The following KCNQ5 variants were observed in gnomAD, a reference collection of about 807,000 sequenced individuals.
KCNQ5 encodes the protein potassium voltage-gated channel subfamily KQT member 5.
A neutral mutation model predicts 98.2 loss-of-function variants in KCNQ5; 30 were observed. The observed-to-expected ratio is 0.31, with a 90% CI of 0.23 to 0.41. The LOEUF is 0.41. Ranked by LOEUF, KCNQ5 falls within the 10% of genes least tolerant of loss-of-function variation. The pLI is 1.00. For missense variants in KCNQ5, 835 were observed against 1,182.5 expected, an observed-to-expected ratio of 0.71 and a Z score of 4.31; for synonymous variants, 458 against 449.4, an observed-to-expected ratio of 1.02 and a Z score of -0.24.
Position 72,699,458 on chromosome 6 carries a change from G to A in KCNQ5, c.398+76871G>A, listed in dbSNP as rs142888417. ...GTATCAGCTGAGTAAGACCTCTCTTGGCTCCTCTCTTGACCTCCAGAATGA... is the reference window on the plus strand; with the variant it reads ...GTATCAGCTGAGTAAGACCTCTCTTAGCTCCTCTCTTGACCTCCAGAATGA... On this transcript the variant is annotated intron_variant, in intron 1 of 13. Transcript: ENST00000370398. 8.5e-4 allele frequency among the ~76,000 whole-genome samples: 130 copies of A among 152,180 alleles called. 1 individual carries two copies. The highest frequency in any genetic ancestry group is 3.0e-3 in the African/African-American group (124 of 41,528).
chr6:73,051,785 C>T (rs1416871427), intron 3 of KCNQ5, among the ~76,000 whole-genome samples: 1 of 149,082 alleles, frequency 6.7e-6, no homozygotes, highest in African/African-American at 2.5e-5. Context: ...AAAATCAGCC[C>T]ACACAGATGA....
intron 10 of KCNQ5, among the ~76,000 whole-genome samples, chr6:73,146,959 T>G (rs1014588682): frequency 1.3e-5 from 2 of 152,220 alleles, no homozygotes; most frequent in Non-Finnish European, 2.9e-5. Context: ...TTTATGTCTT[T>G]GTTTTCTATT....
intron 2 of KCNQ5, among the ~76,000 whole-genome samples, chr6:73,008,296 C>T (rs1769906484): frequency 6.6e-6 from 1 of 152,050 alleles, no homozygotes; most frequent in Non-Finnish European, 1.5e-5. Context: ...ATAAAAGTTT[C>T]TAGTAAAAGA....
rs139651657 is a variant in KCNQ5 at position 73,095,730 on chromosome 6, G to A, written c.919-9527G>A. On this transcript the variant is annotated intron_variant, in intron 5 of 13. Coordinates refer to ENST00000370398, the MANE Select transcript of KCNQ5 (RefSeq NM_019842.4). Reference sequence around the variant, plus strand: ...CCACCCAACAAGTCTTCCAGACTCCGGGCTGGCACTGGGGATTGTCTACAG... The same window carrying A: ...CCACCCAACAAGTCTTCCAGACTCCAGGCTGGCACTGGGGATTGTCTACAG... 6.0e-4 allele frequency among the ~76,000 whole-genome samples: 91 copies of A among 152,200 alleles called. 1 individual carries two copies. The highest frequency in any genetic ancestry group is 2.5e-3 in the South Asian group (12 of 4,814).
At chr6:73,058,622 G>A (rs1360280471) in intron 3 of KCNQ5, among the ~76,000 whole-genome samples, 2 of 152,164 alleles carry the variant, frequency 1.3e-5, no homozygotes, top group Admixed American at 6.5e-5. Context: ...AGAGTGAACA[G>A]ACAACCTACA....
chr6:72,911,383 T>A (rs765053193), intron 1 of KCNQ5, among the ~76,000 whole-genome samples: 1 of 152,132 alleles, frequency 6.6e-6, no homozygotes, highest in Non-Finnish European at 1.5e-5. Flanking sequence ...CAATAAGAAG[T>A]TGGTAGTCTG....
chr6:72,823,083 G>A (rs1196783169), intron 1 of KCNQ5, among the ~76,000 whole-genome samples: 1 of 152,042 alleles, frequency 6.6e-6, no homozygotes, highest in Admixed American at 6.6e-5. Context: ...GCCATATAAG[G>A]CAACATATTT....
chr6:72,643,923 AATC>A (rs1765457629), intron 1 of KCNQ5, among the ~76,000 whole-genome samples: 1 of 152,208 alleles, frequency 6.6e-6, no homozygotes, highest in South Asian at 2.1e-4. Context: ...CATCTAGTTA[AATC>A]AATGATGGCA....
intron 1 of KCNQ5, among the ~76,000 whole-genome samples, chr6:72,849,146 A>G (rs1777141204): frequency 6.6e-6 from 1 of 151,268 alleles, no homozygotes; most frequent in Admixed American, 6.6e-5. Flanking sequence ...ACACACACAT[A>G]TGCACACGCA....
intron 1 of KCNQ5, among the ~76,000 whole-genome samples, chr6:72,679,617 A>C (rs934127473): frequency 6.6e-6 from 1 of 151,812 alleles, no homozygotes; most frequent in African/African-American, 2.4e-5. Flanking sequence ...AGATATACCT[A>C]ATGCTAAATG....
rs142567767 is a variant in KCNQ5 at position 72,858,236 on chromosome 6, C to CA, written c.399-145671dup. On this transcript the variant is annotated intron_variant, in intron 1 of 13. Transcript: ENST00000370398. ...TTTATAAATATAGAGAAAAATTTCACAGATGCTGAGCTATGCTTTAAAATT... is the reference window on the plus strand; with the variant it reads ...TTTATAAATATAGAGAAAAATTTCACAAGATGCTGAGCTATGCTTTAAAATT... Among the ~76,000 whole-genome samples the CA allele has an allele frequency of 1.4e-3, 209 of 152,144 alleles. 1 individual carries two copies. Among genetic ancestry groups the CA allele is most frequent in the African/African-American group, 5.0e-3 (207 of 41,514 alleles).
rs762221264 is a variant in KCNQ5, at chr6:73,194,673, A to G, written c.2058A>G (p.Arg686=). 6.2e-7 allele frequency: 1 copy of G among 1,614,240 alleles called. No individual in the cohort carries two copies. Among genetic ancestry groups the G allele is most frequent in the Non-Finnish European group, 8.5e-7 (1 of 1,180,042 alleles). The part of the protein sequence containing the change: ...LSRSTSANIS[R]GLQFILTPNE... Reference sequence around the variant, plus strand: ...GATCAACTAGTGCCAACATCTCGAGAGGCCTGCAGTTCATTCTGACGCCAA... The same window carrying G: ...GATCAACTAGTGCCAACATCTCGAGGGGCCTGCAGTTCATTCTGACGCCAA... Residue 686 remains arginine (R), a synonymous_variant, in exon 14 of 14, where the codon AGA becomes AGG. Coordinates refer to ENST00000370398, the MANE Select transcript of KCNQ5 (RefSeq NM_019842.4).
chr6:73,002,993 A>G (rs1769653629), intron 1 of KCNQ5, among the ~76,000 whole-genome samples: 1 of 152,174 alleles, frequency 6.6e-6, no homozygotes, highest in South Asian at 2.1e-4. Flanking sequence ...GTATTTTAAG[A>G]CAGCTTACTA....
intron 1 of KCNQ5, among the ~76,000 whole-genome samples, chr6:72,753,545 A>G (rs1370019807): frequency 6.6e-6 from 1 of 152,132 alleles, no homozygotes; most frequent in Non-Finnish European, 1.5e-5. Context: ...ACCATTTTAC[A>G]TTCTCTTCAG....
At chr6:72,909,877 A>T (rs1345490860) in intron 1 of KCNQ5, among the ~76,000 whole-genome samples, 2 of 152,208 alleles carry the variant, frequency 1.3e-5, no homozygotes, top group Non-Finnish European at 2.9e-5. Context: ...AAGATTTTGG[A>T]CATCCTCCCA....
chr6:72,780,391 G>A (rs1773399672), intron 1 of KCNQ5, among the ~76,000 whole-genome samples: 1 of 152,222 alleles, frequency 6.6e-6, no homozygotes, highest in Non-Finnish European at 1.5e-5. Flanking sequence ...ACAAGCAAAT[G>A]TGAGGTATTG....
At chr6:73,007,731 TATC>T (rs1769877676) in intron 2 of KCNQ5, among the ~76,000 whole-genome samples, 1 of 152,122 alleles carries the variant, frequency 6.6e-6, no homozygotes, top group Non-Finnish European at 1.5e-5. Context: ...GTCCTCCAAA[TATC>T]AGAAATCTGA....
At chr6:73,042,446 G>A in intron 3 of KCNQ5, among the ~76,000 whole-genome samples, 1 of 152,134 alleles carries the variant, frequency 6.6e-6, no homozygotes, top group Non-Finnish European at 1.5e-5. Flanking sequence ...GGGGAACATT[G>A]ATTTCAGTGA....
intron 1 of KCNQ5, among the ~76,000 whole-genome samples, chr6:72,682,784 A>G (rs141736417): frequency 2.6e-5 from 4 of 152,322 alleles, no homozygotes; most frequent in South Asian, 2.1e-4. Context: ...AGGAGCTCCA[A>G]TGAGTCTTTA....
Sources: allele counts gnomAD v4.1 joint callset (sites outside exome capture counted in the v4.1 genomes callset), GRCh38; gene constraint gnomAD v4.1.1; transcripts MANE v1.5; gene names NCBI Gene and HGNC (gene_info 2026-07-23, HGNC 2026-07-21).